ATXN1: variants seen among roughly 807,000 people sequenced by gnomAD.
The protein encoded by ATXN1 is ataxin 1, also known as ataxin-1.
A neutral mutation model predicts 56.4 loss-of-function variants in ATXN1; 8 were observed. That is an observed-to-expected ratio of 0.14 (90% CI 0.08 to 0.26). ATXN1 has a LOEUF of 0.26. Among genes scored for constraint, ATXN1 ranks in the 10% least tolerant of loss-of-function variants. The pLI, the probability that ATXN1 is intolerant of heterozygous loss-of-function variation, is 1.00. For synonymous variants in ATXN1, 514 were observed against 494.6 expected (o/e 1.04, Z -0.52); for missense variants, 987 against 1,106.5 (o/e 0.89, Z 1.53).
intron 2 of ATXN1, among the ~76,000 whole-genome samples, chr6:16,689,521 C>CTTTTTTTTTTTTTTTTTTTTTTTTT (rs11374047): frequency 1.8e-4 from 19 of 105,200 alleles, no homozygotes; most frequent in African/African-American, 4.1e-4. Flanking sequence ...TTTTTTTTTT[C>CTTTTTTTTTTTTTTTTTTTTTTTTT]TTTTTTTTTT....
intron 5 of ATXN1, among the ~76,000 whole-genome samples, chr6:16,520,289 T>C (rs1282884976): frequency 2.6e-5 from 4 of 152,186 alleles, no homozygotes; most frequent in African/African-American, 7.2e-5. Flanking sequence ...GAGCTTCTTT[T>C]TAGGGAGAAA....
chr6:16,747,322 C>G (rs1305681862), intron 2 of ATXN1, among the ~76,000 whole-genome samples: 1 of 152,152 alleles, frequency 6.6e-6, no homozygotes, highest in Non-Finnish European at 1.5e-5. Flanking sequence ...CCCAGGCCTA[C>G]AGTGGAGTTT....
chr6:16,486,049 T>C lies in ATXN1; in HGVS notation c.-238A>G, dbSNP rs1420107926. The stretch of plus-strand genomic sequence containing the variant: ...AGACTTCCCACAGGCTCTGGAGGGC[T>C]CCTGAGGGCTCTTGGGCTCAGGCGT... On this transcript the variant is annotated 5_prime_UTR_variant, in exon 6 of 8. Transcript: ENST00000436367. The C allele has an allele frequency of 1.3e-5, 2 of 152,294 alleles. No homozygotes were observed. Among genetic ancestry groups the C allele is most frequent in the South Asian group, 2.1e-4 (1 of 4,822 alleles). 9.4% of individuals were successfully genotyped at this position (152,294 alleles called of 1,614,324 possible).
intron 4 of ATXN1, among the ~76,000 whole-genome samples, chr6:16,570,925 ATAAT>A (rs761824221): frequency 2.0e-5 from 3 of 151,920 alleles, no homozygotes; most frequent in Admixed American, 6.6e-5. Context: ...CAGGGATTAA[ATAAT>A]TATGTGCTTC....
intron 6 of ATXN1, among the ~76,000 whole-genome samples, chr6:16,352,355 C>T (rs1219850919): frequency 6.6e-6 from 1 of 152,156 alleles, no homozygotes; most frequent in Admixed American, 6.5e-5. Flanking sequence ...CTAATGCAAG[C>T]CAGGAACAGC....
At chr6:16,685,886 A>G (rs995812764) in intron 2 of ATXN1, among the ~76,000 whole-genome samples, 1 of 152,230 alleles carries the variant, frequency 6.6e-6, no homozygotes. Flanking sequence ...CTTTACTGGT[A>G]TATTTATTTG....
chr6:16,750,191 CAG>C (rs1462458940), intron 2 of ATXN1: 15 of 152,230 alleles, frequency 9.9e-5, no homozygotes, highest in Non-Finnish European at 1.5e-5. Flanking sequence ...TTCATTATTT[CAG>C]AGAGTTTCTT....
At chr6:16,561,903 C>A (rs1253450865) in intron 4 of ATXN1, among the ~76,000 whole-genome samples, 1 of 152,108 alleles carries the variant, frequency 6.6e-6, no homozygotes, top group Admixed American at 6.5e-5. Flanking sequence ...GTAACCAAGT[C>A]ACAACACTCC....
intron 4 of ATXN1, among the ~76,000 whole-genome samples, chr6:16,547,714 A>G (rs1256898449): frequency 1.3e-5 from 2 of 152,164 alleles, no homozygotes; most frequent in Non-Finnish European, 2.9e-5. Flanking sequence ...GGCTTTGGGC[A>G]GCATAACTCC....
At chr6:16,529,260 T>C (rs563506483) in intron 4 of ATXN1, among the ~76,000 whole-genome samples, 2 of 151,282 alleles carry the variant, frequency 1.3e-5, no homozygotes, top group Non-Finnish European at 2.9e-5. Context: ...GAACAAAAGT[T>C]ACCCATGACA....
At position 16,396,180 on chromosome 6, in the gene ATXN1, A is replaced by C. The variant is rs191254806; in HGVS notation, c.-160-67710T>G. Among the ~76,000 whole-genome samples, 1,484 of 152,218 alleles carry C rather than the reference A, an allele frequency of 9.7e-3. 12 individuals carry two copies. The highest frequency in any genetic ancestry group is 0.014 in the Non-Finnish European group (943 of 68,018). On this transcript the variant is annotated intron_variant, in intron 6 of 7. Coordinates refer to ENST00000436367, the MANE Select transcript of ATXN1 (RefSeq NM_001128164.2). The stretch of plus-strand genomic sequence containing the variant: ...GATGGAAAAGATAAGGAGGTAGAAG[A>C]CAGTGATACTGACCATCATGACCCT...
rs888150980 is a variant in ATXN1 at position 16,327,605 on chromosome 6, G to A, written c.706C>T (p.Pro236Ser). ...TGCTGGGCTGGTGGGGGGGACCCCG[G>A]GGTGATGAGCCCCGGAGCCCTGCTG... ...HLSRAPGLIT[P>S]GSPPPAQQNQ... The change falls in exon 7 of 8, where the codon CCG becomes TCG. Residue 236 changes from proline to serine, a missense_variant. Transcript: ENST00000436367. 6 of 1,592,504 alleles carry A rather than the reference G, an allele frequency of 3.8e-6. No individual in the cohort carries two copies. The highest frequency in any genetic ancestry group is 1.8e-5 in the Admixed American group (1 of 56,348).
At chr6:16,508,886 A>G (rs1258633538) in intron 5 of ATXN1, among the ~76,000 whole-genome samples, 1 of 152,248 alleles carries the variant, frequency 6.6e-6, no homozygotes, top group Non-Finnish European at 1.5e-5. Flanking sequence ...GGACAGATGA[A>G]TGAATAAACA....
rs1581672927 is a variant in ATXN1, at chr6:16,299,189, A to AAAAC, written c.*7136_*7139dup. ...GTACTGGTATACAGACAATTTATTTAAAACAATTTTGTTCAAATTTTGAAT... is the reference window on the plus strand; with the variant it reads ...GTACTGGTATACAGACAATTTATTTAAAACAAACAATTTTGTTCAAATTTTGAAT... On this transcript the variant is annotated 3_prime_UTR_variant, in exon 8 of 8. Transcript: ENST00000436367. 6.5e-6 allele frequency: 1 copy of AAAAC among 152,764 alleles called. No individual in the cohort carries two copies. Among genetic ancestry groups the AAAAC allele is most frequent in the African/African-American group, 2.4e-5 (1 of 41,576 alleles). 9.5% of individuals were successfully genotyped at this position (152,764 alleles called of 1,614,324 possible). A position where few individuals can be genotyped will look rare whatever the true frequency, so the allele number is the denominator to read the frequency against.
chr6:16,720,756 A>G (rs1055738711), intron 2 of ATXN1, among the ~76,000 whole-genome samples: 2 of 152,232 alleles, frequency 1.3e-5, no homozygotes, highest in Admixed American at 1.3e-4. Context: ...CCTACCAGCT[A>G]TGTGAGCCTG....
intron 6 of ATXN1, among the ~76,000 whole-genome samples, chr6:16,474,987 C>T (rs1760298442): frequency 2.0e-5 from 3 of 152,292 alleles, no homozygotes; most frequent in Middle Eastern, 3.4e-3. Context: ...CCTATCACCA[C>T]CTAGACACGG....
chr6:16,529,915 C>A (rs975310423), intron 4 of ATXN1, among the ~76,000 whole-genome samples: 2 of 152,076 alleles, frequency 1.3e-5, no homozygotes, highest in Non-Finnish European at 2.9e-5. Context: ...AGCAGACATT[C>A]AAAATATGCA....
intron 2 of ATXN1, among the ~76,000 whole-genome samples, chr6:16,705,187 G>A (rs941599735): frequency 1.3e-5 from 2 of 152,206 alleles, no homozygotes; most frequent in Non-Finnish European, 2.9e-5. Flanking sequence ...AGGGATCAGA[G>A]GGTGAGCAAA....
intron 6 of ATXN1, among the ~76,000 whole-genome samples, chr6:16,395,211 G>A (rs576197624): frequency 1.9e-4 from 27 of 145,486 alleles, no homozygotes; most frequent in African/African-American, 6.0e-4. Context: ...TGGAGGTTGC[G>A]GTGAGCCAAG....
Sources: gnomAD v4.1 joint callset for allele counts (sites outside exome capture counted in the v4.1 genomes callset) on GRCh38, gnomAD v4.1.1 for gene constraint, MANE v1.5 for transcripts, NCBI Gene and HGNC (gene_info 2026-07-23, HGNC 2026-07-21) for gene names.